Variants in MGAT5 observed in about 807,000 individuals in gnomAD.
The protein encoded by MGAT5 is alpha-1,6-mannosylglycoprotein 6-beta-N-acetylglucosaminyltransferase.
MGAT5 carries 30 observed loss-of-function variants against 94.3 expected under a neutral mutation model. The ratio of observed to expected loss-of-function variants is 0.32; its 90% CI spans 0.24 to 0.43. The LOEUF is 0.43. MGAT5 is among the 20% of genes least tolerant of loss of function. The pLI is 1.00. For missense variants in MGAT5, 691 were observed against 905.5 expected, an observed-to-expected ratio of 0.76 and a Z score of 3.04; for synonymous variants, 310 against 322.9, an observed-to-expected ratio of 0.96 and a Z score of 0.43.
intron 4 of MGAT5, among the ~76,000 whole-genome samples, chr2:134,335,957 G>A (rs2105978666): frequency 6.6e-6 from 1 of 152,258 alleles, no homozygotes; most frequent in South Asian, 2.1e-4. Context: ...AAATGACTAA[G>A]GAATTAATTG....
chr2:134,155,906 C>A (rs1232010639), intron 1 of MGAT5, among the ~76,000 whole-genome samples: 1 of 152,100 alleles, frequency 6.6e-6, no homozygotes, highest in East Asian at 1.9e-4. Flanking sequence ...GCAGGGAGGC[C>A]TCCCTGGACC....
At chr2:134,327,239 A>AT in intron 4 of MGAT5, among the ~76,000 whole-genome samples, 1 of 152,130 alleles carries the variant, frequency 6.6e-6, no homozygotes, top group African/African-American at 2.4e-5. Flanking sequence ...CACATTTAAT[A>AT]TACAGTAGTC....
intron 1 of MGAT5, among the ~76,000 whole-genome samples, chr2:134,141,992 T>C (rs1460307607): frequency 2.0e-5 from 3 of 152,088 alleles, no homozygotes; most frequent in Non-Finnish European, 4.4e-5. Context: ...CAAGCCTGGC[T>C]CAGGAGGTGG....
intron 1 of MGAT5, among the ~76,000 whole-genome samples, chr2:134,228,695 C>G (rs763099354): frequency 6.6e-6 from 1 of 152,210 alleles, no homozygotes; most frequent in Non-Finnish European, 1.5e-5. Context: ...AGTGTGTCCT[C>G]TCTGGTGACC....
At chr2:134,317,627 TCC>T in intron 3 of MGAT5, 22 bp downstream of exon 3, 1 of 1,480,388 alleles carries the variant, frequency 6.8e-7, no homozygotes, top group Non-Finnish European at 9.1e-7. Context: ...GCAAGCATCA[TCC>T]CCAATCTGCA....
At chr2:134,396,991 G>A (rs1053199197) in intron 10 of MGAT5, among the ~76,000 whole-genome samples, 2 of 152,204 alleles carry the variant, frequency 1.3e-5, no homozygotes, top group Non-Finnish European at 2.9e-5. Context: ...CATTAGCAGT[G>A]GCAGACCAGG....
At chr2:134,189,602 G>GTTTTTTTTTTTTTTTTTTTGT (rs912983981) in intron 1 of MGAT5, among the ~76,000 whole-genome samples, 1 of 84,672 alleles carries the variant, frequency 1.2e-5, no homozygotes, top group Non-Finnish European at 2.3e-5. Flanking sequence ...GTTTTTTTTT[G>GTTTTTTTTTTTTTTTTTTTGT]TTTTTTTTTT....
At chr2:134,161,875 T>TG (rs1687750228) in intron 1 of MGAT5, among the ~76,000 whole-genome samples, 1 of 152,068 alleles carries the variant, frequency 6.6e-6, no homozygotes, top group Non-Finnish European at 1.5e-5. Context: ...ATTTGGAGAT[T>TG]GGTGAAGTGA....
intron 10 of MGAT5, among the ~76,000 whole-genome samples, chr2:134,388,022 G>T (rs571278455): frequency 1.1e-4 from 16 of 152,268 alleles, no homozygotes; most frequent in African/African-American, 3.4e-4. Context: ...AATTCATGGG[G>T]ATCAGAGCCT....
chr2:134,288,189 G>C (rs1685128977), intron 2 of MGAT5, among the ~76,000 whole-genome samples: 2 of 152,184 alleles, frequency 1.3e-5, no homozygotes, highest in African/African-American at 4.8e-5. Context: ...GGAGGCACCT[G>C]AAACACTTTA....
chr2:134,443,079 T>C lies in MGAT5; in HGVS notation c.2027+1164T>C, dbSNP rs549426210. 2.6e-4 allele frequency among the ~76,000 whole-genome samples: 39 copies of C among 152,322 alleles called. 1 individual carries two copies. The highest frequency in any genetic ancestry group is 9.4e-4 in the African/African-American group (39 of 41,568). On this transcript the variant is annotated intron_variant, in intron 15 of 15. Coordinates refer to ENST00000281923, the MANE Select transcript of MGAT5 (RefSeq NM_002410.5). ...GGCCTGTTTCTTGTGAGTCGTCTTA[T>C]CCTTAAGTGTGGTATAAAACCCTTC...
intron 1 of MGAT5, among the ~76,000 whole-genome samples, chr2:134,256,925 G>A (rs966267030): frequency 1.3e-5 from 2 of 152,172 alleles, no homozygotes; most frequent in Non-Finnish European, 2.9e-5. Flanking sequence ...GGACTTGTAT[G>A]TATGTGCTTG....
At chr2:134,139,648 G>A (rs1228503941) in intron 1 of MGAT5, among the ~76,000 whole-genome samples, 1 of 152,156 alleles carries the variant, frequency 6.6e-6, no homozygotes, top group Non-Finnish European at 1.5e-5. Context: ...GCACAGTATC[G>A]CAGGAATTAT....
At chr2:134,225,922 G>C (rs914997388) in intron 1 of MGAT5, among the ~76,000 whole-genome samples, 1 of 152,206 alleles carries the variant, frequency 6.6e-6, no homozygotes, top group East Asian at 1.9e-4. Context: ...AGAGCTTTAC[G>C]AGACTTTTGA....
At chr2:134,144,417 G>A (rs1474173249) in intron 1 of MGAT5, among the ~76,000 whole-genome samples, 1 of 152,134 alleles carries the variant, frequency 6.6e-6, no homozygotes, top group Non-Finnish European at 1.5e-5. Flanking sequence ...CTCACTGTCA[G>A]GAGAATAGCA....
intron 14 of MGAT5, among the ~76,000 whole-genome samples, chr2:134,440,755 G>T (rs901897363): frequency 3.9e-5 from 6 of 152,134 alleles, no homozygotes; most frequent in Non-Finnish European, 8.8e-5. Context: ...GTGATTGATT[G>T]ATAGTGAATT....
chr2:134,419,052 A>G (rs916221340), intron 12 of MGAT5, among the ~76,000 whole-genome samples: 6 of 152,250 alleles, frequency 3.9e-5, no homozygotes, highest in African/African-American at 1.4e-4. Context: ...TTTCCTTAGC[A>G]AATGGAAACA....
At chr2:134,327,552 A>G (rs1333082930) in intron 4 of MGAT5, among the ~76,000 whole-genome samples, 1 of 152,164 alleles carries the variant, frequency 6.6e-6, no homozygotes, top group Non-Finnish European at 1.5e-5. Flanking sequence ...GAGCTGTTCC[A>G]GCCCTGGGCA....
At chr2:134,182,591 A>C (rs1688785490) in intron 1 of MGAT5, among the ~76,000 whole-genome samples, 1 of 152,118 alleles carries the variant, frequency 6.6e-6, no homozygotes, top group African/African-American at 2.4e-5. Flanking sequence ...CTGTGTTAGG[A>C]GTACCTAGGT....
Sources: gnomAD v4.1 joint callset for allele counts (sites outside exome capture counted in the v4.1 genomes callset) on GRCh38, gnomAD v4.1.1 for gene constraint, MANE v1.5 for transcripts, NCBI Gene and HGNC (gene_info 2026-07-23, HGNC 2026-07-21) for gene names.